Variants in SCHIP1 observed in about 807,000 individuals in gnomAD.
The protein encoded by SCHIP1 is schwannomin-interacting protein 1.
A neutral mutation model predicts 29.7 loss-of-function variants in SCHIP1; 8 were observed. The observed-to-expected ratio is 0.27, with a 90% CI of 0.16 to 0.49. SCHIP1 has a LOEUF of 0.49. Among genes scored for constraint, SCHIP1 ranks in the 20% least tolerant of loss-of-function variants. SCHIP1 has a pLI of 0.99. For missense variants in SCHIP1, 193 were observed against 294.6 expected (o/e 0.66, Z 2.52); for synonymous variants, 76 against 94.9 (o/e 0.80, Z 1.16).
At chr3:159,806,132 T>A in the SCHIP1 span, among the ~76,000 whole-genome samples, 1 of 152,206 alleles carries the variant, frequency 6.6e-6, no homozygotes, top group Non-Finnish European at 1.5e-5. Flanking sequence ...ATAGGACAAC[T>A]AAGCAATCAA....
chr3:159,304,045 A>G, the SCHIP1 span, among the ~76,000 whole-genome samples: 1 of 125,246 alleles, frequency 8.0e-6, no homozygotes, highest in Non-Finnish European at 1.6e-5. Context: ...CCAGAGTGCG[A>G]TGTTCCCCTT....
At chr3:159,582,785 TATACACACAC>T in the SCHIP1 span, among the ~76,000 whole-genome samples, 15 of 80,504 alleles carry the variant, frequency 1.9e-4, no homozygotes, top group South Asian at 6.1e-4. Context: ...GAAATATATA[TATACACACAC>T]ACACACACAC....
the SCHIP1 span, among the ~76,000 whole-genome samples, chr3:159,489,335 C>G: frequency 6.6e-6 from 1 of 152,302 alleles, no homozygotes; most frequent in African/African-American, 2.4e-5. Context: ...AAGACTTTTA[C>G]TATTAGCCTG....
chr3:159,608,295 C>T, the SCHIP1 span, among the ~76,000 whole-genome samples: 2 of 152,138 alleles, frequency 1.3e-5, no homozygotes, highest in East Asian at 1.9e-4. Context: ...TGATACTCCA[C>T]ATTTTATAAG....
chr3:159,649,442 G>A, the SCHIP1 span, among the ~76,000 whole-genome samples: 291 of 152,130 alleles, frequency 1.9e-3, 1 homozygote, highest in African/African-American at 6.6e-3. Flanking sequence ...ATGTAAAAGC[G>A]AAGTCAACAT....
At chr3:159,491,939 C>T in the SCHIP1 span, among the ~76,000 whole-genome samples, 240 of 152,326 alleles carry the variant, frequency 1.6e-3, no homozygotes, top group South Asian at 0.024. Flanking sequence ...ATTTGCAGTT[C>T]ATCAGTATTC....
chr3:159,753,857 C>T, the SCHIP1 span, among the ~76,000 whole-genome samples: 19 of 152,198 alleles, frequency 1.2e-4, no homozygotes, highest in African/African-American at 4.3e-4. Flanking sequence ...ATCCTCAAAA[C>T]CTTTATTCAA....
the SCHIP1 span, among the ~76,000 whole-genome samples, chr3:159,459,384 C>T: frequency 1.3e-5 from 2 of 152,116 alleles, no homozygotes; most frequent in African/African-American, 2.4e-5. Flanking sequence ...AGGCTTCTTG[C>T]TCATACTGCT....
chr3:159,721,839 T>C, the SCHIP1 span: 5 of 392,302 alleles, frequency 1.3e-5, no homozygotes, highest in South Asian at 8.6e-5. Flanking sequence ...TATTTTAGCA[T>C]TGATGCTGAG....
chr3:159,680,262 G>A, the SCHIP1 span, among the ~76,000 whole-genome samples: 59 of 151,858 alleles, frequency 3.9e-4, no homozygotes, highest in Non-Finnish European at 8.2e-4. Flanking sequence ...TGTAATCCCA[G>A]CACTTTGGGA....
chr3:159,485,396 G>T, the SCHIP1 span, among the ~76,000 whole-genome samples: 1 of 152,014 alleles, frequency 6.6e-6, no homozygotes, highest in Non-Finnish European at 1.5e-5. Flanking sequence ...AGCAAATGTC[G>T]ATGGGGAAAA....
the SCHIP1 span, among the ~76,000 whole-genome samples, chr3:159,494,107 G>T: frequency 6.1e-3 from 924 of 152,324 alleles, 9 homozygotes; most frequent in African/African-American, 0.021. Flanking sequence ...AAAGCAGTGT[G>T]TAGAGGGAAA....
the SCHIP1 span, among the ~76,000 whole-genome samples, chr3:159,603,327 T>C: frequency 6.6e-6 from 1 of 152,216 alleles, no homozygotes; most frequent in Non-Finnish European, 1.5e-5. Flanking sequence ...GAAGGATTTA[T>C]GGAAGCTTCA....
At chr3:159,600,841 G>A in the SCHIP1 span, among the ~76,000 whole-genome samples, 1 of 152,202 alleles carries the variant, frequency 6.6e-6, no homozygotes, top group Admixed American at 6.5e-5. Flanking sequence ...TTTTTCTGAA[G>A]ATATATCTGT....
At chr3:159,508,272 C>T in the SCHIP1 span, among the ~76,000 whole-genome samples, 1 of 152,180 alleles carries the variant, frequency 6.6e-6, no homozygotes, top group African/African-American at 2.4e-5. Flanking sequence ...TTATAGTATT[C>T]TCTGACAGTA....
At chr3:159,637,417 A>C in the SCHIP1 span, among the ~76,000 whole-genome samples, 1 of 140,100 alleles carries the variant, frequency 7.1e-6, no homozygotes, top group African/African-American at 3.0e-5. Context: ...ACACACACAC[A>C]CACACCTGAC....
rs74924360 is a variant in SCHIP1, at chr3:159,842,973, C to G, written c.30+2759C>G. Among the ~76,000 whole-genome samples the G allele has an allele frequency of 4.8e-3, 658 of 135,810 alleles. 19 individuals carry two copies. The highest frequency in any genetic ancestry group is 0.039 in the East Asian group (172 of 4,456). The allele number at this position is 135,810 out of a possible 152,430, so 89.1% of individuals were successfully genotyped here. ...CTGGATGTAATCTGTAAACTTCCAG[C>G]TCTCCAGTTCTATCCCAATATTTCT... On this transcript the variant is annotated intron_variant, in intron 1 of 6. Transcript: ENST00000445224.
At chr3:159,720,570 CTT>C in the SCHIP1 span, among the ~76,000 whole-genome samples, 4 of 151,886 alleles carry the variant, frequency 2.6e-5, no homozygotes, top group African/African-American at 4.8e-5. Flanking sequence ...TTATTTTGCT[CTT>C]GTTTTCTTTT....
chr3:159,539,467 G>A, the SCHIP1 span, among the ~76,000 whole-genome samples: 6 of 136,112 alleles, frequency 4.4e-5, 1 homozygote, highest in Non-Finnish European at 1.0e-4. Flanking sequence ...GAATAGGTGG[G>A]GAGTGAGGCA....
Sources: gnomAD v4.1 joint callset for allele counts (sites outside exome capture counted in the v4.1 genomes callset) on GRCh38, gnomAD v4.1.1 for gene constraint, MANE v1.5 for transcripts, NCBI Gene and HGNC (gene_info 2026-07-23, HGNC 2026-07-21) for gene names.